BCAR3: variants seen among roughly 807,000 people sequenced by gnomAD.
BCAR3 encodes breast cancer anti-estrogen resistance protein 3.
A neutral mutation model predicts 80.1 loss-of-function variants in BCAR3; 37 were observed. The ratio of observed to expected loss-of-function variants is 0.46; its 90% CI spans 0.36 to 0.61. BCAR3 has a LOEUF of 0.61. Among genes scored for constraint, BCAR3 ranks in the 20% least tolerant of loss-of-function variants. The pLI is 0.00. For synonymous variants in BCAR3, 389 were observed against 418.9 expected (o/e 0.93, Z 0.87); for missense variants, 978 against 1,068.2 (o/e 0.92, Z 1.18).
chr1:93,618,861 A>G (rs981359737), intron 3 of BCAR3, among the ~76,000 whole-genome samples: 2 of 151,812 alleles, frequency 1.3e-5, no homozygotes, highest in South Asian at 2.1e-4. Flanking sequence ...AACTTGTCCA[A>G]TCCGCTTTAC....
intron 2 of BCAR3, among the ~76,000 whole-genome samples, chr1:93,739,020 T>C (rs1224956951): frequency 2.0e-5 from 3 of 152,184 alleles, no homozygotes; most frequent in African/African-American, 7.2e-5. Flanking sequence ...CACCTGGCAC[T>C]GCCTCTAATC....
intron 2 of BCAR3, among the ~76,000 whole-genome samples, chr1:93,722,898 A>G (rs1650452227): frequency 1.3e-5 from 2 of 151,982 alleles, no homozygotes; most frequent in Admixed American, 1.3e-4. Context: ...AAAATCCTTC[A>G]CTCTAACCCA....
rs779051725 is a variant in BCAR3 at position 93,592,330 on chromosome 1, C to T, written c.421G>A (p.Glu141Lys). Residue 141 changes from glutamate to lysine, a missense_variant, in exon 4 of 12, where the codon GAG becomes AAG. Coordinates refer to ENST00000260502, the MANE Select transcript of BCAR3 (RefSeq NM_003567.4). This position sits in a 1 kb window ranked among gnomAD's most constrained non-coding sequence, Gnocchi z 4.8. ...PEKLKKELEE[E>K]LLLSSEDLRS... Reference sequence around the variant, plus strand: ...AGGTCCTCGCTGCTCAGGAGCAGCTCCTCCTCCAGCTCCTTCTTCAGTTTC... The same window carrying T: ...AGGTCCTCGCTGCTCAGGAGCAGCTTCTCCTCCAGCTCCTTCTTCAGTTTC... 12 of 1,610,794 alleles carry T rather than the reference C, an allele frequency of 7.4e-6. No homozygotes were observed. The highest frequency in any genetic ancestry group is 1.0e-5 in the Non-Finnish European group (12 of 1,179,894).
chr1:93,801,281 T>G (rs1038285499), intron 2 of BCAR3, among the ~76,000 whole-genome samples: 1 of 152,244 alleles, frequency 6.6e-6, no homozygotes, highest in African/African-American at 2.4e-5. Flanking sequence ...ATTCATGATT[T>G]TAGCGGCTTC....
At chr1:93,646,276 T>G (rs1383576659) in intron 2 of BCAR3, among the ~76,000 whole-genome samples, 1 of 152,152 alleles carries the variant, frequency 6.6e-6, no homozygotes, top group Non-Finnish European at 1.5e-5. Flanking sequence ...ACCCATGACT[T>G]AAGTAAAATC....
intron 8 of BCAR3, among the ~76,000 whole-genome samples, chr1:93,573,035 C>T (rs1156505429): frequency 6.6e-6 from 1 of 152,130 alleles, no homozygotes; most frequent in Non-Finnish European, 1.5e-5. Context: ...CCTAACTGCT[C>T]CACTCCTCAG....
At chr1:93,619,578 CT>C (rs942833225) in intron 3 of BCAR3, among the ~76,000 whole-genome samples, 3 of 152,194 alleles carry the variant, frequency 2.0e-5, no homozygotes, top group Admixed American at 6.5e-5. Flanking sequence ...TTTCCATCCA[CT>C]TTTGGTAGGC....
chr1:93,679,315 G>T (rs114289613), intron 1 of BCAR3, among the ~76,000 whole-genome samples: 1 of 152,186 alleles, frequency 6.6e-6, no homozygotes, highest in Admixed American at 6.5e-5. Context: ...TATACTGAGG[G>T]TTCACAAAGG....
At position 93,592,722 on chromosome 1, in the gene BCAR3, G is replaced by A. The variant is rs1570945004; in HGVS notation, c.358-329C>T. Among the ~76,000 whole-genome samples, 4 of 152,258 alleles carry A rather than the reference G, an allele frequency of 2.6e-5. No individual in the cohort carries two copies. Among genetic ancestry groups the A allele is most frequent in the South Asian group, 4.2e-4 (2 of 4,812 alleles). On this transcript the variant is annotated intron_variant, in intron 3 of 11. Transcript: ENST00000260502. This position sits in a 1 kb window ranked among gnomAD's most constrained non-coding sequence, Gnocchi z 4.8. ...CAGCCCAGCCTGCTCTCTTCCCAGC[G>A]GAGAGCTTCCTCATTCTCCTTCAGG...
In BCAR3 at chr1:93,589,060, C is replaced by T. The variant is rs1557848035; in HGVS notation, c.846G>A (p.Arg282=). 4 of 1,612,204 alleles carry T rather than the reference C, an allele frequency of 2.5e-6. No homozygotes were observed. The highest frequency in any genetic ancestry group is 8.5e-7 in the Non-Finnish European group (1 of 1,178,924). ...GGCTCAGCCTCTTGGCCACATCCGG[C>T]CTTCCCTTGGTGAGGCTGCCCTCCC... The part of the protein sequence containing the change: ...QAREGSLTKG[R]PDVAKRLSLT... The change falls in exon 5 of 12, where the codon AGG becomes AGA. Residue 282 remains arginine (R), a synonymous_variant. Transcript: ENST00000260502.
At chr1:93,837,946 T>C (rs765694200) in intron 2 of BCAR3, among the ~76,000 whole-genome samples, 2 of 152,214 alleles carry the variant, frequency 1.3e-5, no homozygotes, top group Non-Finnish European at 2.9e-5. Context: ...ACATGAGTCA[T>C]GTTCAAGGCT....
intron 3 of BCAR3, among the ~76,000 whole-genome samples, chr1:93,596,575 C>T (rs1674427717): frequency 6.9e-6 from 1 of 144,854 alleles, no homozygotes; most frequent in African/African-American, 2.9e-5. Context: ...AGGACTCTGG[C>T]CCTCTGGACT....
intron 3 of BCAR3, among the ~76,000 whole-genome samples, chr1:93,698,360 G>C (rs1289052642): frequency 2.0e-5 from 3 of 152,234 alleles, no homozygotes; most frequent in Non-Finnish European, 4.4e-5. Context: ...ACTGGTAGCA[G>C]CCATGAGAAA....
chr1:93,664,980 T>A (rs1647833925), intron 2 of BCAR3, among the ~76,000 whole-genome samples: 1 of 151,578 alleles, frequency 6.6e-6, no homozygotes, highest in Non-Finnish European at 1.5e-5. Context: ...TGTAAAGGCT[T>A]TTTCTAACTA....
chr1:93,733,925 T>C (rs917006506), intron 2 of BCAR3, among the ~76,000 whole-genome samples: 1 of 152,194 alleles, frequency 6.6e-6, no homozygotes, highest in African/African-American at 2.4e-5. Context: ...CAAAATCCAA[T>C]CTCTGAGGGG....
chr1:93,631,901 T>C (rs1046653563), intron 3 of BCAR3, among the ~76,000 whole-genome samples: 2 of 152,150 alleles, frequency 1.3e-5, no homozygotes, highest in African/African-American at 4.8e-5. Context: ...CTCTGACTTG[T>C]GGCACAAGAA....
At chr1:93,628,672 T>C (rs137924527) in intron 3 of BCAR3, among the ~76,000 whole-genome samples, 65 of 152,336 alleles carry the variant, frequency 4.3e-4, no homozygotes, top group African/African-American at 1.5e-3. Context: ...AATGTCCCCT[T>C]ACTCCAACTT....
intron 2 of BCAR3, among the ~76,000 whole-genome samples, chr1:93,669,148 A>G (rs1034300363): frequency 6.6e-6 from 1 of 152,202 alleles, no homozygotes; most frequent in Non-Finnish European, 1.5e-5. Flanking sequence ...CGCATCGTAC[A>G]TCCTTCTGAT....
chr1:93,804,182 T>C (rs921395684), intron 2 of BCAR3, among the ~76,000 whole-genome samples: 1 of 152,196 alleles, frequency 6.6e-6, no homozygotes. Flanking sequence ...GTTTTTAATT[T>C]TGGCAAACTC....
Sources: allele counts gnomAD v4.1 joint callset (sites outside exome capture counted in the v4.1 genomes callset), GRCh38; gene constraint gnomAD v4.1.1; non-coding constraint Gnocchi (gnomAD v3.1); transcripts MANE v1.5; gene names NCBI Gene and HGNC (gene_info 2026-07-23, HGNC 2026-07-21).